BIRC5: variants seen among roughly 807,000 people sequenced by gnomAD.
BIRC5 encodes the protein baculoviral IAP repeat-containing protein 5.
BIRC5 carries 8 observed loss-of-function variants against 15.8 expected under a neutral mutation model. That is an observed-to-expected ratio of 0.51 (90% confidence interval 0.30 to 0.91). The LOEUF is 0.91. BIRC5 is among the 40% of genes least tolerant of loss of function. The pLI, the probability that BIRC5 is intolerant of heterozygous loss-of-function variation, is 0.07. For missense variants in BIRC5, 163 were observed against 178.6 expected (o/e 0.91, Z 0.50); for synonymous variants, 56 against 64.5 (o/e 0.87, Z 0.63).
chr17:78,216,536 A>C, intron 2 of BIRC5, 128 bp from the exon 3 acceptor site: 1 of 742,822 alleles, frequency 1.3e-6, no homozygotes. Flanking sequence ...TCAACTTCAG[A>C]CTTGACGTCT....
At chr17:78,214,931 C>A in intron 2 of BIRC5, 142 bp downstream of exon 2, 1 of 751,378 alleles carries the variant, frequency 1.3e-6, no homozygotes, top group Non-Finnish European at 2.2e-6. Flanking sequence ...GGATACCTCT[C>A]TATATGCTGG....
At chr17:78,214,616 T>C in intron 1 of BIRC5, 64 bp from the exon 2 acceptor site, 1 of 1,466,504 alleles carries the variant, frequency 6.8e-7, no homozygotes, top group Non-Finnish European at 9.2e-7. Context: ...ATCGAGGCCT[T>C]TGTGGCTGGG....
At chr17:78,215,031 A>T in intron 2 of BIRC5, 1 of 460,392 alleles carries the variant, frequency 2.2e-6, no homozygotes, top group Non-Finnish European at 4.0e-6. Context: ...TTCATGTTCA[A>T]CAGAATACAT....
At position 78,216,802 on chromosome 17, in the gene BIRC5, C is replaced by T. The variant is rs756020157; in HGVS notation, c.339+21C>T. 40 of 1,569,504 alleles carry T rather than the reference C, an allele frequency of 2.5e-5. No homozygotes were observed. The East Asian group carries it at 2.9e-4, about 11-fold the overall frequency. On this transcript the variant is annotated intron_variant, in intron 3 of 3. Coordinates refer to ENST00000350051, the MANE Select transcript of BIRC5 (RefSeq NM_001168.3). ...AAATTGTATGTATTGGGAATAAGAA[C>T]TGCTCAAACCCTGTTCAATGTCTTT...
chr17:78,216,845 T>A, intron 3 of BIRC5, 64 bp downstream of exon 3: 1 of 1,246,062 alleles, frequency 8.0e-7, no homozygotes, highest in Admixed American at 1.8e-5. Context: ...AACTACCTAG[T>A]CCCTCAAAGG....
intron 2 of BIRC5, among the ~76,000 whole-genome samples, chr17:78,215,609 A>T (rs2076472337): frequency 6.6e-6 from 1 of 151,496 alleles, no homozygotes; most frequent in Non-Finnish European, 1.5e-5. Context: ...CACAGCTTTA[A>T]TTTTTTTCCC....
In BIRC5 at chr17:78,224,184, G is replaced by A. The variant is rs990560274; in HGVS notation, c.*630G>A. On this transcript the variant is annotated 3_prime_UTR_variant, in exon 4 of 4. Coordinates refer to ENST00000350051, the MANE Select transcript of BIRC5 (RefSeq NM_001168.3). The stretch of plus-strand genomic sequence containing the variant: ...ATTTTGTTTGAATTGTTAATTCACA[G>A]AATAGCACAAACTACAATTAAAACT... The A allele has an allele frequency of 2.6e-5, 4 of 151,638 alleles. No homozygotes were observed. Among genetic ancestry groups the A allele is most frequent in the African/African-American group, 9.7e-5 (4 of 41,230 alleles). The allele number at this position is 151,638 out of a possible 1,614,324, so 9.4% of individuals were successfully genotyped here. A position where few individuals can be genotyped will look rare whatever the true frequency, so the allele number is the denominator to read the frequency against.
chr17:78,221,863 G>T (rs949746881), intron 3 of BIRC5, among the ~76,000 whole-genome samples: 1 of 152,138 alleles, frequency 6.6e-6, no homozygotes, highest in Non-Finnish European at 1.5e-5. Flanking sequence ...TAAAGCTGAG[G>T]CTCCCTGGGA....
At chr17:78,222,775 G>A in intron 3 of BIRC5, 1 of 1,530,102 alleles carries the variant, frequency 6.5e-7, no homozygotes, top group Non-Finnish European at 8.7e-7. Flanking sequence ...TAAAAAATAT[G>A]GTAGGGAAGG....
chr17:78,216,445 T>G (rs910161271), intron 2 of BIRC5: 1 of 484,522 alleles, frequency 2.1e-6, no homozygotes, highest in East Asian at 3.5e-5. Context: ...CACACAGATG[T>G]GGGGGGAGAT....
At chr17:78,220,561 G>A (rs1371850891) in intron 3 of BIRC5, among the ~76,000 whole-genome samples, 1 of 152,202 alleles carries the variant, frequency 6.6e-6, no homozygotes, top group South Asian at 2.1e-4. Context: ...ACACTGGAAA[G>A]AGGGGAGACA....
chr17:78,217,435 C>T (rs1373386791), intron 3 of BIRC5, among the ~76,000 whole-genome samples: 2 of 149,998 alleles, frequency 1.3e-5, no homozygotes, highest in Non-Finnish European at 3.0e-5. Flanking sequence ...CTCAGCCTCC[C>T]AAAGTGCTGA....
chr17:78,221,313 G>A (rs2661685), intron 3 of BIRC5, among the ~76,000 whole-genome samples: 34,439 of 152,102 alleles, frequency 0.23, 4,284 homozygotes, highest in Non-Finnish European at 0.28. Flanking sequence ...GTACAGTGGC[G>A]CAATCACAGC....
intron 3 of BIRC5, among the ~76,000 whole-genome samples, chr17:78,219,805 C>T (rs1010738140): frequency 2.0e-5 from 3 of 152,194 alleles, no homozygotes; most frequent in Non-Finnish European, 4.4e-5. Flanking sequence ...AAGGCCATGA[C>T]GGGCTGTATG....
At chr17:78,217,855 C>T (rs894772766) in intron 3 of BIRC5, among the ~76,000 whole-genome samples, 23 of 151,952 alleles carry the variant, frequency 1.5e-4, no homozygotes, top group African/African-American at 5.6e-4. Flanking sequence ...TGCAGTGGTA[C>T]ACCATAGCTC....
At chr17:78,215,856 A>T in intron 2 of BIRC5, 1 of 1,053,856 alleles carries the variant, frequency 9.5e-7, no homozygotes, top group Non-Finnish European at 1.2e-6. Flanking sequence ...GGTAACGGTG[A>T]TAGTCAGTTA....
At chr17:78,215,654 C>G (rs565964733) in intron 2 of BIRC5, among the ~76,000 whole-genome samples, 20 of 152,112 alleles carry the variant, frequency 1.3e-4, no homozygotes, top group African/African-American at 4.8e-4. Flanking sequence ...TCTTTTTGGC[C>G]AGAAGAGAGT....
intron 3 of BIRC5, among the ~76,000 whole-genome samples, chr17:78,222,557 C>A (rs1033087781): frequency 6.6e-6 from 1 of 151,998 alleles, no homozygotes; most frequent in African/African-American, 2.4e-5. Context: ...CCCAGCTACT[C>A]GGGAGGCTGA....
At position 78,223,726 on chromosome 17, in the gene BIRC5, A is replaced by C; in HGVS notation, c.*172A>C. 7.2e-7 allele frequency: 1 copy of C among 1,381,856 alleles called. No individual in the cohort carries two copies. Among genetic ancestry groups the C allele is most frequent in the Non-Finnish European group, 9.5e-7 (1 of 1,050,732 alleles). 85.6% of individuals were successfully genotyped at this position (1,381,856 alleles called of 1,614,324 possible). A position where few individuals can be genotyped will look rare whatever the true frequency, so the allele number is the denominator to read the frequency against. On this transcript the variant is annotated 3_prime_UTR_variant, in exon 4 of 4. Transcript: ENST00000350051. Reference sequence around the variant, plus strand: ...CTTGTTTTGTCTTGAAAGTGGCACCAGAGGTGCTTCTGCCTGTGCAGCGGG... The same window carrying C: ...CTTGTTTTGTCTTGAAAGTGGCACCCGAGGTGCTTCTGCCTGTGCAGCGGG...
Sources: gnomAD v4.1 joint callset for allele counts (sites outside exome capture counted in the v4.1 genomes callset) on GRCh38, gnomAD v4.1.1 for gene constraint, MANE v1.5 for transcripts, NCBI Gene and HGNC (gene_info 2026-07-23, HGNC 2026-07-21) for gene names.